DLC1: variants seen among roughly 807,000 people sequenced by gnomAD.
DLC1 encodes the protein rho GTPase-activating protein 7.
DLC1 carries 54 observed loss-of-function variants against 140.3 expected under a neutral mutation model. The observed-to-expected ratio is 0.38, with a 90% CI of 0.31 to 0.48. The LOEUF (loss-of-function observed/expected upper bound fraction) is 0.48. DLC1 is among the 20% of genes least tolerant of loss of function. DLC1 has a pLI of 0.96. For synonymous variants in DLC1, 986 were observed against 728.1 expected, an observed-to-expected ratio of 1.35 and a Z score of -5.70; for missense variants, 2,536 against 1,907.0, an observed-to-expected ratio of 1.33 and a Z score of -6.14.
intron 2 of DLC1, among the ~76,000 whole-genome samples, chr8:13,461,239 A>T (rs289536): frequency 0.18 from 28,065 of 152,228 alleles, 3,931 homozygotes; most frequent in African/African-American, 0.39. Flanking sequence ...TATGTGTAGG[A>T]ATAACATGAT....
intron 5 of DLC1, among the ~76,000 whole-genome samples, chr8:13,155,127 C>A (rs1047993294): frequency 1.6e-5 from 2 of 124,786 alleles, no homozygotes; most frequent in African/African-American, 5.5e-5. Context: ...CTACAACTTG[C>A]GCTGCTTTTT....
chr8:13,187,341 T>C (rs923302924), intron 5 of DLC1, among the ~76,000 whole-genome samples: 3 of 152,160 alleles, frequency 2.0e-5, no homozygotes, highest in African/African-American at 4.8e-5. Context: ...AGGTGCTCAA[T>C]AGATATTTGT....
At chr8:13,477,952 T>C (rs1351768480) in intron 2 of DLC1, among the ~76,000 whole-genome samples, 1 of 152,220 alleles carries the variant, frequency 6.6e-6, no homozygotes, top group Non-Finnish European at 1.5e-5. Flanking sequence ...AGAGAATCCC[T>C]GTAATTAGTA....
intron 2 of DLC1, among the ~76,000 whole-genome samples, chr8:13,457,003 T>C (rs1263821797): frequency 6.6e-6 from 1 of 152,228 alleles, no homozygotes; most frequent in Non-Finnish European, 1.5e-5. Flanking sequence ...AACACAACCT[T>C]CATTACCACT....
At chr8:13,412,645 A>T (rs1031010812) in intron 2 of DLC1, among the ~76,000 whole-genome samples, 6 of 152,064 alleles carry the variant, frequency 3.9e-5, no homozygotes, top group African/African-American at 7.2e-5. Flanking sequence ...GCAAGTTAGA[A>T]AAATGTCCCT....
intron 2 of DLC1, among the ~76,000 whole-genome samples, chr8:13,412,201 C>T (rs1226975378): frequency 2.6e-5 from 4 of 152,052 alleles, no homozygotes; most frequent in Non-Finnish European, 4.4e-5. Flanking sequence ...AACCCCAAAG[C>T]ATCACTGGTA....
chr8:13,187,187 A>G (rs937420069), intron 5 of DLC1, among the ~76,000 whole-genome samples: 1 of 152,064 alleles, frequency 6.6e-6, no homozygotes, highest in African/African-American at 2.4e-5. Context: ...CTTCCAATGT[A>G]AGAATCTATA....
At chr8:13,340,647 C>G (rs1196675182) in intron 4 of DLC1, 1 of 152,178 alleles carries the variant, frequency 6.6e-6, no homozygotes, top group Admixed American at 6.5e-5. Context: ...TTCCCCTAAA[C>G]AAGGATGTTT....
Position 13,178,097 on chromosome 8 carries a change from A to G in DLC1, c.1349-62440T>C, listed in dbSNP as rs141683606. Reference sequence around the variant, plus strand: ...GGTCAATCATATATCTGTATAGGGAAAAACAACCTCACATCATTGATTTAA... The same window carrying G: ...GGTCAATCATATATCTGTATAGGGAGAAACAACCTCACATCATTGATTTAA... On this transcript the variant is annotated intron_variant, in intron 5 of 17. Coordinates refer to ENST00000276297, the MANE Select transcript of DLC1 (RefSeq NM_182643.3). 2.0e-5 allele frequency among the ~76,000 whole-genome samples: 3 copies of G among 152,300 alleles called. No homozygotes were observed. The East Asian group carries it at 5.8e-4, about 29-fold the overall frequency.
intron 2 of DLC1, among the ~76,000 whole-genome samples, chr8:13,449,040 G>GA (rs990973351): frequency 2.6e-5 from 4 of 151,826 alleles, no homozygotes; most frequent in South Asian, 2.1e-4. Context: ...ATGGATTACT[G>GA]AAAAAAACAA....
intron 1 of DLC1, among the ~76,000 whole-genome samples, chr8:13,589,162 T>C (rs1234916132): frequency 6.6e-6 from 1 of 152,094 alleles, no homozygotes; most frequent in East Asian, 1.9e-4. Context: ...CCTTCATCTG[T>C]CCAAACAACA....
intron 5 of DLC1, among the ~76,000 whole-genome samples, chr8:13,220,322 G>C (rs1299184051): frequency 6.6e-6 from 1 of 152,122 alleles, no homozygotes; most frequent in African/African-American, 2.4e-5. Flanking sequence ...TGAATTTGCA[G>C]CAAAGGATAA....
intron 1 of DLC1, among the ~76,000 whole-genome samples, chr8:13,530,191 A>T (rs28407042): frequency 0.047 from 7,125 of 152,182 alleles, 236 homozygotes; most frequent in African/African-American, 0.079. Flanking sequence ...TCTGTAGTTG[A>T]CCAGTGTATT....
chr8:13,276,392 G>GT, intron 5 of DLC1: 7 of 1,493,698 alleles, frequency 4.7e-6, no homozygotes, highest in Non-Finnish European at 6.2e-6. Flanking sequence ...GGGCCTTGGG[G>GT]TCCCCCATCC....
At chr8:13,199,910 T>C (rs1179939233) in intron 5 of DLC1, among the ~76,000 whole-genome samples, 1 of 152,180 alleles carries the variant, frequency 6.6e-6, no homozygotes, top group African/African-American at 2.4e-5. Context: ...GTTAAAACAA[T>C]GGTAATGATA....
chr8:13,492,535 A>G (rs1199956246), intron 2 of DLC1, among the ~76,000 whole-genome samples: 2 of 80,260 alleles, frequency 2.5e-5, no homozygotes, highest in Non-Finnish European at 5.9e-5. Context: ...CTCTCCCTCC[A>G]CCTCTCTCAC....
chr8:13,095,016 A>G (rs1818389299), intron 11 of DLC1, 59 bp from the exon 12 acceptor site: 2 of 1,613,604 alleles, frequency 1.2e-6, no homozygotes, highest in African/African-American at 1.3e-5. Context: ...TGTTTACACC[A>G]CACAACTAGA....
intron 1 of DLC1, chr8:13,567,487 T>G: frequency 1.3e-6 from 2 of 1,552,106 alleles, no homozygotes; most frequent in Non-Finnish European, 1.7e-6. Context: ...TGCCTTTAGT[T>G]GTACTGTACC....
intron 2 of DLC1, among the ~76,000 whole-genome samples, chr8:13,495,050 A>G (rs1168920546): frequency 6.6e-6 from 1 of 152,178 alleles, no homozygotes; most frequent in Non-Finnish European, 1.5e-5. Flanking sequence ...GGAATGTAGA[A>G]TTAGGTGTCT....
Sources: gnomAD v4.1 joint callset for allele counts (sites outside exome capture counted in the v4.1 genomes callset) on GRCh38, gnomAD v4.1.1 for gene constraint, MANE v1.5 for transcripts, NCBI Gene and HGNC (gene_info 2026-07-23, HGNC 2026-07-21) for gene names.